Variants in ZNF25 observed in about 807,000 individuals in gnomAD.
The protein encoded by ZNF25 is zinc finger protein 25 (KOX 19).
In ZNF25, 21 loss-of-function variants were observed where a neutral mutation model predicts 30.9. The observed-to-expected ratio is 0.68, with a 90% CI of 0.48 to 0.98. The LOEUF (loss-of-function observed/expected upper bound fraction) is 0.98. Among genes scored for constraint, ZNF25 ranks in the 50% least tolerant of loss-of-function variants. ZNF25 has a pLI of 0.00. For synonymous variants in ZNF25, 169 were observed against 181.3 expected, an observed-to-expected ratio of 0.93 and a Z score of 0.55; for missense variants, 501 against 529.9, an observed-to-expected ratio of 0.95 and a Z score of 0.54.
intron 2 of ZNF25, among the ~76,000 whole-genome samples, chr10:37,969,434 T>C (rs1007807699): frequency 7.2e-5 from 11 of 152,134 alleles, no homozygotes; most frequent in Non-Finnish European, 1.6e-4. Context: ...ATTTTAGCCA[T>C]AAAAAGGAAT....
intron 1 of ZNF25, among the ~76,000 whole-genome samples, chr10:37,972,931 G>A (rs1361782390): frequency 1.3e-5 from 2 of 152,122 alleles, no homozygotes; most frequent in African/African-American, 4.8e-5. Flanking sequence ...ATTTTGGGAG[G>A]CCAAGGTGGG....
intron 2 of ZNF25, among the ~76,000 whole-genome samples, chr10:37,966,852 A>G (rs1359862650): frequency 6.6e-6 from 1 of 152,216 alleles, no homozygotes; most frequent in African/African-American, 2.4e-5. Context: ...GTCTTTATCA[A>G]ACATCACTTT....
intron 4 of ZNF25, 73 bp downstream of exon 4, chr10:37,956,947 C>G (rs144659979): frequency 2.8e-6 from 3 of 1,072,566 alleles, no homozygotes; most frequent in Non-Finnish European, 2.8e-6. Context: ...GAGAGATTGC[C>G]GAAAAGTACT....
chr10:37,956,934 A>AAAGTT, intron 4 of ZNF25, 86 bp downstream of exon 4: 1 of 947,852 alleles, frequency 1.1e-6, no homozygotes, highest in Non-Finnish European at 1.6e-6. Context: ...AAAAAAAAAA[A>AAAGTT]GTGAGAGATT....
chr10:37,953,235 T>G (rs749093535), intron 5 of ZNF25, 40 bp from the exon 6 acceptor site: 1 of 1,525,160 alleles, frequency 6.6e-7, no homozygotes, highest in Non-Finnish European at 8.8e-7. Context: ...TGTAAGACTT[T>G]TAAGGCTTTT....
chr10:37,969,398 A>C (rs749840486), intron 2 of ZNF25, among the ~76,000 whole-genome samples: 1 of 152,272 alleles, frequency 6.6e-6, no homozygotes, highest in Non-Finnish European at 1.5e-5. Context: ...ATGGATAAAC[A>C]AATTGTGGTG....
At chr10:37,974,362 A>C (rs2063675891) in intron 1 of ZNF25, among the ~76,000 whole-genome samples, 1 of 152,222 alleles carries the variant, frequency 6.6e-6, no homozygotes, top group Admixed American at 6.5e-5. Context: ...AAATATTTGC[A>C]AACTACCCAT....
chr10:37,961,402 T>C (rs1019140665), intron 2 of ZNF25, among the ~76,000 whole-genome samples: 1 of 152,124 alleles, frequency 6.6e-6, no homozygotes, highest in African/African-American at 2.4e-5. Flanking sequence ...TTCTCATATG[T>C]AGAACCAAAT....
intron 5 of ZNF25, chr10:37,953,490 G>C (rs999152365): frequency 3.1e-5 from 19 of 618,332 alleles, no homozygotes; most frequent in Non-Finnish European, 5.1e-5. Context: ...AGAGTAAAAA[G>C]ACCACTTCAA....
intron 2 of ZNF25, among the ~76,000 whole-genome samples, chr10:37,959,232 T>G (rs2062712422): frequency 6.6e-6 from 1 of 151,640 alleles, no homozygotes; most frequent in South Asian, 2.1e-4. Context: ...AGCACTGGAG[T>G]TATAGGGGTA....
intron 4 of ZNF25, among the ~76,000 whole-genome samples, chr10:37,956,403 AG>A (rs745724970): frequency 2.0e-5 from 3 of 152,206 alleles, no homozygotes; most frequent in Non-Finnish European, 4.4e-5. Flanking sequence ...CTCTAATGGC[AG>A]GGAGTAACTG....
At chr10:37,966,404 A>G (rs2063186870) in intron 2 of ZNF25, among the ~76,000 whole-genome samples, 1 of 149,854 alleles carries the variant, frequency 6.7e-6, no homozygotes, top group South Asian at 2.1e-4. Context: ...ACAGAGCAGG[A>G]CTCCATCTCA....
chr10:37,954,488 C>A (rs2062389500), intron 4 of ZNF25, among the ~76,000 whole-genome samples: 1 of 152,138 alleles, frequency 6.6e-6, no homozygotes, highest in African/African-American at 2.4e-5. Context: ...GATAAGCCAT[C>A]TATACAAGGA....
chr10:37,957,608 G>T (rs2062614590), intron 2 of ZNF25, 62 bp from the exon 3 acceptor site: 11 of 1,557,556 alleles, frequency 7.1e-6, no homozygotes, highest in Non-Finnish European at 1.7e-6. Context: ...CCATTGAAAA[G>T]ACATGTGAAC....
At chr10:37,954,834 G>A (rs780870247) in intron 4 of ZNF25, among the ~76,000 whole-genome samples, 5 of 152,136 alleles carry the variant, frequency 3.3e-5, no homozygotes, top group South Asian at 2.1e-4. Context: ...CTTATGCGAC[G>A]TTAACTCAGG....
At chr10:37,968,956 T>C (rs2063337404) in intron 2 of ZNF25, among the ~76,000 whole-genome samples, 1 of 152,012 alleles carries the variant, frequency 6.6e-6, no homozygotes, top group Admixed American at 6.6e-5. Flanking sequence ...CATATACCAA[T>C]TGATGACAGT....
chr10:37,956,644 C>T (rs985587136), intron 4 of ZNF25, among the ~76,000 whole-genome samples: 1 of 152,022 alleles, frequency 6.6e-6, no homozygotes, highest in Admixed American at 6.6e-5. Context: ...AGGCCGGGCA[C>T]GGTGACTCAC....
chr10:37,952,942 G>A lies in ZNF25; in HGVS notation c.556C>T (p.Leu186=). ...CTCAGATGTCTACTGAGAGATGATA[G>A]GTGGTAAAATATTTTCTTACATTCT... ...CKECKKIFYH[L]SSLSRHLRTH... Residue 186 remains leucine (L), a synonymous_variant, in exon 6 of 6, where the codon CTA becomes TTA. Coordinates refer to ENST00000302609, the MANE Select transcript of ZNF25 (RefSeq NM_145011.4). 6.2e-7 allele frequency: 1 copy of A among 1,614,112 alleles called. No homozygotes were observed. Among genetic ancestry groups the A allele is most frequent in the African/African-American group, 1.3e-5 (1 of 75,032 alleles).
chr10:37,962,518 C>T (rs995297259), intron 2 of ZNF25, among the ~76,000 whole-genome samples: 6 of 152,100 alleles, frequency 3.9e-5, no homozygotes, highest in Admixed American at 6.6e-5. Context: ...TCTCTGAACA[C>T]AGTAGACAAA....
Sources: allele counts gnomAD v4.1 joint callset (sites outside exome capture counted in the v4.1 genomes callset), GRCh38; gene constraint gnomAD v4.1.1; transcripts MANE v1.5; gene names NCBI Gene and HGNC (gene_info 2026-07-23, HGNC 2026-07-21).